The following DCC variants were observed in gnomAD, a reference collection of about 807,000 sequenced individuals.
The protein encoded by DCC is netrin receptor DCC.
In DCC, 58 loss-of-function variants were observed where a neutral mutation model predicts 172.5. The ratio of observed to expected loss-of-function variants is 0.34; its 90% CI spans 0.27 to 0.42. The LOEUF (loss-of-function observed/expected upper bound fraction) is 0.42. Ranked by LOEUF, DCC falls within the 10% of genes least tolerant of loss-of-function variation. DCC has a pLI of 1.00. For synonymous variants in DCC, 709 were observed against 644.5 expected (o/e 1.10, Z -1.52); for missense variants, 1,740 against 1,791.0 (o/e 0.97, Z 0.51).
chr18:53,333,929 G>A (rs1568062903), intron 14 of DCC, among the ~76,000 whole-genome samples: 1 of 151,980 alleles, frequency 6.6e-6, no homozygotes, highest in Non-Finnish European at 1.5e-5. Context: ...TGACTAATAG[G>A]CATCTCACAT....
intron 3 of DCC, among the ~76,000 whole-genome samples, chr18:52,908,780 C>T (rs2039926858): frequency 6.6e-6 from 1 of 152,124 alleles, no homozygotes; most frequent in Non-Finnish European, 1.5e-5. Context: ...GTGAGCATTT[C>T]TTAGCTGAAT....
chr18:52,669,190 C>T (rs1442263160), intron 1 of DCC, among the ~76,000 whole-genome samples: 1 of 152,008 alleles, frequency 6.6e-6, no homozygotes, highest in African/African-American at 2.4e-5. Context: ...GGGTGGGGGC[C>T]GCAAGATTAG....
chr18:52,989,414 T>C (rs1426977479), intron 5 of DCC, among the ~76,000 whole-genome samples: 1 of 152,032 alleles, frequency 6.6e-6, no homozygotes, highest in Admixed American at 6.6e-5. Flanking sequence ...TCCTAGCTAC[T>C]CAGGAGATGG....
intron 2 of DCC, among the ~76,000 whole-genome samples, chr18:52,868,326 A>G (rs1344523767): frequency 1.3e-5 from 2 of 152,120 alleles, no homozygotes; most frequent in Non-Finnish European, 2.9e-5. Flanking sequence ...AGGGAATCCT[A>G]ATGATTTTTC....
At chr18:53,221,937 A>G (rs2055939278) in intron 12 of DCC, among the ~76,000 whole-genome samples, 1 of 152,208 alleles carries the variant, frequency 6.6e-6, no homozygotes, top group African/African-American at 2.4e-5. Flanking sequence ...GCCAACTGTC[A>G]TATTTAATAA....
At chr18:52,967,306 C>T (rs774120962) in intron 5 of DCC, among the ~76,000 whole-genome samples, 1 of 152,110 alleles carries the variant, frequency 6.6e-6, no homozygotes, top group Non-Finnish European at 1.5e-5. Flanking sequence ...TAGACCTTCT[C>T]CCAAGGTAGA....
intron 2 of DCC, among the ~76,000 whole-genome samples, chr18:52,788,398 A>G (rs912968160): frequency 1.5e-4 from 23 of 152,180 alleles, no homozygotes; most frequent in African/African-American, 5.5e-4. Flanking sequence ...GTCTGACTCC[A>G]CATGTCCCAG....
intron 12 of DCC, among the ~76,000 whole-genome samples, chr18:53,255,592 A>G (rs1179657685): frequency 6.6e-6 from 1 of 151,554 alleles, no homozygotes; most frequent in Non-Finnish European, 1.5e-5. Flanking sequence ...TATGTGCCAC[A>G]TTTTCTTAAT....
At chr18:52,758,994 A>C (rs1165427206) in intron 2 of DCC, 8 of 152,196 alleles carry the variant, frequency 5.3e-5, no homozygotes, top group Admixed American at 5.2e-4. Context: ...GTAATTCTTA[A>C]TGACTTAATG....
intron 1 of DCC, among the ~76,000 whole-genome samples, chr18:52,580,163 A>T (rs529481620): frequency 2.6e-5 from 4 of 152,322 alleles, no homozygotes; most frequent in Admixed American, 2.0e-4. Flanking sequence ...CCTGGTCTAA[A>T]CTTATCACAA....
intron 2 of DCC, among the ~76,000 whole-genome samples, chr18:52,761,766 T>C (rs2037163311): frequency 1.3e-5 from 2 of 151,564 alleles, no homozygotes. Flanking sequence ...CTGAAAAACC[T>C]TGTTTGAAAA....
intron 1 of DCC, among the ~76,000 whole-genome samples, chr18:52,402,749 T>C (rs1986488734): frequency 6.6e-6 from 1 of 151,998 alleles, no homozygotes; most frequent in Non-Finnish European, 1.5e-5. Context: ...TAGTTAATGT[T>C]TGTAGAATTT....
At chr18:53,371,558 A>G (rs1315149552) in intron 15 of DCC, among the ~76,000 whole-genome samples, 1 of 152,024 alleles carries the variant, frequency 6.6e-6, no homozygotes, top group African/African-American at 2.4e-5. Context: ...AGGTTTTTAA[A>G]AGACAGAATA....
At chr18:52,838,564 C>T (rs918391019) in intron 2 of DCC, among the ~76,000 whole-genome samples, 1 of 152,064 alleles carries the variant, frequency 6.6e-6, no homozygotes, top group Admixed American at 6.6e-5. Context: ...GATTATTATT[C>T]TATCCTCATT....
At chr18:52,589,770 G>C (rs2033756983) in intron 1 of DCC, among the ~76,000 whole-genome samples, 1 of 152,184 alleles carries the variant, frequency 6.6e-6, no homozygotes, top group Non-Finnish European at 1.5e-5. Flanking sequence ...AGGGAAAACA[G>C]AGAACTTAGA....
intron 9 of DCC, among the ~76,000 whole-genome samples, chr18:53,188,079 T>G (rs538910431): frequency 6.6e-6 from 1 of 152,294 alleles, no homozygotes; most frequent in East Asian, 1.9e-4. Context: ...GTGTTATAAA[T>G]TATAACTCTG....
chr18:52,629,352 A>AT (rs2034632527), intron 1 of DCC, among the ~76,000 whole-genome samples: 1 of 151,950 alleles, frequency 6.6e-6, no homozygotes, highest in Non-Finnish European at 1.5e-5. Flanking sequence ...TGCTGCTGGT[A>AT]TTTTTTCATT....
rs187980636 is a variant in DCC, at chr18:53,097,648, T to G, written c.1261+31482T>G. ...GGCTTCCATCGAAAATAGCATGGAC[T>G]GGGTAACTTTAACAACAGACACTTA... On this transcript the variant is annotated intron_variant, in intron 7 of 28. Coordinates refer to ENST00000442544, the MANE Select transcript of DCC (RefSeq NM_005215.4). Among the ~76,000 whole-genome samples, 833 of 152,282 alleles carry G rather than the reference T, an allele frequency of 5.5e-3. 6 individuals carry two copies. Among genetic ancestry groups the G allele is most frequent in the Admixed American group, 0.022 (338 of 15,288 alleles).
chr18:53,192,328 G>T (rs190645855), intron 9 of DCC, among the ~76,000 whole-genome samples: 1 of 152,240 alleles, frequency 6.6e-6, no homozygotes, highest in Non-Finnish European at 1.5e-5. Flanking sequence ...TATTGGGAAA[G>T]ATATTTTATC....
Sources: gnomAD v4.1 joint callset for allele counts (sites outside exome capture counted in the v4.1 genomes callset) on GRCh38, gnomAD v4.1.1 for gene constraint, MANE v1.5 for transcripts, NCBI Gene and HGNC (gene_info 2026-07-23, HGNC 2026-07-21) for gene names.